CCSAP: variants seen among roughly 807,000 people sequenced by gnomAD.
CCSAP encodes centriole, cilia and spindle-associated protein.
Under a neutral mutation model 25.9 loss-of-function variants are expected in CCSAP, and 17 were observed. That is an observed-to-expected ratio of 0.66 (90% CI 0.45 to 0.99). The LOEUF is 0.99. Ranked by LOEUF, CCSAP falls within the 50% of genes least tolerant of loss-of-function variation. The probability of loss-of-function intolerance (pLI) is 0.00; values close to 1 mark genes in which losing one functional copy is unlikely to be tolerated. For missense variants in CCSAP, 339 were observed against 367.8 expected, an observed-to-expected ratio of 0.92 and a Z score of 0.64; for synonymous variants, 169 against 157.1, an observed-to-expected ratio of 1.08 and a Z score of -0.57.
chr1:229,325,220 C>T lies in CCSAP; in HGVS notation c.*15G>A, dbSNP rs189175208. Reference sequence around the variant, plus strand: ...TTTACACTTTTTAAAAGAGGCTGTCCACGCAAGTGTTTCTTTAAGCTCTTG... The same window carrying T: ...TTTACACTTTTTAAAAGAGGCTGTCTACGCAAGTGTTTCTTTAAGCTCTTG... On this transcript the variant is annotated 3_prime_UTR_variant, in exon 4 of 4. Transcript: ENST00000284617. 1.0e-4 allele frequency: 165 copies of T among 1,574,514 alleles called. No homozygotes were observed. The African/African-American group carries it at 2.1e-3, about 20-fold the overall frequency.
Position 229,326,751 on chromosome 1 carries a change from G to GCGGA in CCSAP, c.619_622dup (p.Ala208ValfsTer9). ...CCCAGAGCGCACCTCGTGCACAGGA[G>GCGGA]CGGACGCACAGACGTTGTGAGTCTT... On this transcript the variant is annotated frameshift_variant, in exon 3 of 4. Coordinates refer to ENST00000284617, the MANE Select transcript of CCSAP (RefSeq NM_145257.5). LOFTEE classifies it low-confidence loss of function (END_TRUNC). 6.2e-7 allele frequency: 1 copy of GCGGA among 1,614,226 alleles called. No individual in the cohort carries two copies. Among genetic ancestry groups the GCGGA allele is most frequent in the Non-Finnish European group, 8.5e-7 (1 of 1,180,044 alleles).
At chr1:229,327,478 C>T (rs1426631919) in intron 2 of CCSAP, 8 of 455,668 alleles carry the variant, frequency 1.8e-5, no homozygotes, top group Admixed American at 1.2e-4. Context: ...TCCTGAGAGC[C>T]GCTTCCTTCA....
chr1:229,327,393 C>A, intron 2 of CCSAP: 1 of 380,444 alleles, frequency 2.6e-6, no homozygotes, highest in South Asian at 1.9e-5. Context: ...GATTTGTGGT[C>A]ATCCTCCAGC....
At chr1:229,326,183 G>C (rs905872825) in intron 3 of CCSAP, among the ~76,000 whole-genome samples, 2 of 152,236 alleles carry the variant, frequency 1.3e-5, no homozygotes, top group East Asian at 3.8e-4. Flanking sequence ...GGCTAAGTCA[G>C]GGGAGGACTA....
rs575091215 is a variant in CCSAP, at chr1:229,323,042, C to T, written c.*2193G>A. 6.6e-6 allele frequency: 1 copy of T among 152,134 alleles called. No homozygotes were observed. The highest frequency in any genetic ancestry group is 1.5e-5 in the Non-Finnish European group (1 of 68,038). 9.4% of individuals were successfully genotyped at this position (152,134 alleles called of 1,614,324 possible). ...ACTGTTAACAACTATCAAATTTTCA[C>T]AGGTTCAAAAGGTAATTGACACTCT... is the stretch of plus-strand genomic sequence containing the variant. On this transcript the variant is annotated 3_prime_UTR_variant, in exon 4 of 4. Coordinates refer to ENST00000284617, the MANE Select transcript of CCSAP (RefSeq NM_145257.5).
At chr1:229,339,221 A>G (rs972868401) in intron 2 of CCSAP, among the ~76,000 whole-genome samples, 2 of 152,318 alleles carry the variant, frequency 1.3e-5, no homozygotes, top group East Asian at 3.9e-4. Flanking sequence ...TAGATCAAGG[A>G]AAAATGTCAG....
intron 2 of CCSAP, among the ~76,000 whole-genome samples, chr1:229,331,865 G>C (rs1658078351): frequency 6.7e-6 from 1 of 149,954 alleles, no homozygotes; most frequent in African/African-American, 2.5e-5. Context: ...GCCCAGGCTG[G>C]AGTGCAATGG....
In CCSAP at chr1:229,342,150, C is replaced by A; in HGVS notation, c.316G>T (p.Ala106Ser). Reference protein sequence around the residue: ...RARGAPEEQDAEAGDAEAEDA... With the variant: ...RARGAPEEQDSEAGDAEAEDA... ...TCGGCCTCCGCGTCCCCGGCCTCCG[C>A]GTCCTGCTCCTCCGGGGCCCCGCGC... Residue 106 changes from alanine to serine, a missense_variant, in exon 2 of 4, where the codon GCG becomes TCG. Transcript: ENST00000284617. This position sits in a 1 kb window ranked among gnomAD's most constrained non-coding sequence, Gnocchi z 7.5. 7.6e-7 allele frequency: 1 copy of A among 1,321,834 alleles called. No individual in the cohort carries two copies. Among genetic ancestry groups the A allele is most frequent in the Admixed American group, 3.2e-5 (1 of 31,260 alleles). The allele number at this position is 1,321,834 out of a possible 1,614,324, so 81.9% of individuals were successfully genotyped here.
Position 229,324,802 on chromosome 1 carries a change from A to G in CCSAP, c.*433T>C, listed in dbSNP as rs1481772776. On this transcript the variant is annotated 3_prime_UTR_variant, in exon 4 of 4. Transcript: ENST00000284617. ...ACGGCATATAAGGAAAACGAGTCTT[A>G]TGCTGTAGGATGGAATGATCTTATA... is the stretch of plus-strand genomic sequence containing the variant. The G allele has an allele frequency of 6.5e-6, 1 of 153,762 alleles. No homozygotes were observed. The highest frequency in any genetic ancestry group is 1.5e-5 in the Non-Finnish European group (1 of 68,954). The allele number at this position is 153,762 out of a possible 1,614,324, so 9.5% of individuals were successfully genotyped here. A position where few individuals can be genotyped will look rare whatever the true frequency, so the allele number is the denominator to read the frequency against.
chr1:229,325,547 C>T (rs1657920875), intron 3 of CCSAP, 136 bp from the exon 4 acceptor site: 1 of 668,566 alleles, frequency 1.5e-6, no homozygotes. Context: ...CTATATAGTT[C>T]TTCTTTACAT....
At chr1:229,330,585 A>G (rs1039551610) in intron 2 of CCSAP, among the ~76,000 whole-genome samples, 40 of 152,194 alleles carry the variant, frequency 2.6e-4, no homozygotes, top group Non-Finnish European at 3.7e-4. Flanking sequence ...GCTCACGCCT[A>G]TAATCCCAGC....
chr1:229,340,497 T>C, intron 2 of CCSAP: 1 of 709,820 alleles, frequency 1.4e-6, no homozygotes, highest in Non-Finnish European at 2.6e-6. Flanking sequence ...TCACAAACAA[T>C]AAAAGATCGG....
chr1:229,334,908 T>C (rs1658162642), intron 2 of CCSAP, among the ~76,000 whole-genome samples: 1 of 151,932 alleles, frequency 6.6e-6, no homozygotes, highest in Admixed American at 6.6e-5. Context: ...TCAATAAAAT[T>C]TGGAGGAAAA....
intron 2 of CCSAP, among the ~76,000 whole-genome samples, chr1:229,338,179 A>T (rs1037329475): frequency 6.6e-6 from 1 of 152,144 alleles, no homozygotes; most frequent in Admixed American, 6.5e-5. Flanking sequence ...CAGAGCTAAG[A>T]TCCTGAGCTA....
At chr1:229,339,697 G>T (rs999008703) in intron 2 of CCSAP, among the ~76,000 whole-genome samples, 5 of 152,214 alleles carry the variant, frequency 3.3e-5, no homozygotes, top group African/African-American at 1.2e-4. Context: ...GGGGCCCTGG[G>T]AGAGGCATCT....
In CCSAP at chr1:229,342,512, G is replaced by A; in HGVS notation, c.-47C>T. 4.0e-6 allele frequency: 5 copies of A among 1,264,382 alleles called. No individual in the cohort carries two copies. Among genetic ancestry groups the A allele is most frequent in the Non-Finnish European group, 5.1e-6 (5 of 987,902 alleles). The allele number at this position is 1,264,382 out of a possible 1,614,324, so 78.3% of individuals were successfully genotyped here. On this transcript the variant is annotated splice_region_variant and 5_prime_UTR_variant, in exon 2 of 4. Transcript: ENST00000284617. The surrounding 1 kb of genome is among the most constrained non-coding windows in gnomAD (Gnocchi z 7.5). ...CGCCAGCCGCTCCTCGCTGCCCGCA[G>A]CCTACGGGACCCGGTACACGACACA...
At chr1:229,330,413 AG>A (rs1196951464) in intron 2 of CCSAP, among the ~76,000 whole-genome samples, 4 of 152,198 alleles carry the variant, frequency 2.6e-5, no homozygotes, top group African/African-American at 9.7e-5. Context: ...GGAAGACAGG[AG>A]GTGCAAACAG....
chr1:229,325,264 A>G lies in CCSAP; in HGVS notation c.784T>C (p.Tyr262His). Residue 262 changes from tyrosine to histidine, a missense_variant, in exon 4 of 4, where the codon TAC (tyrosine) becomes CAC (histidine). Transcript: ENST00000284617. ...GCTCTTGCCGAATAGCACCTCATGT[A>G]TTCTGTCATCCACGGGTTCTCTGAG... ...SSSENPWMTE[Y>H]MRCYSARA 1.9e-6 allele frequency: 3 copies of G among 1,613,578 alleles called. No individual in the cohort carries two copies. The highest frequency in any genetic ancestry group is 2.5e-6 in the Non-Finnish European group (3 of 1,179,872).
At chr1:229,331,924 C>T (rs1034201924) in intron 2 of CCSAP, among the ~76,000 whole-genome samples, 1 of 151,792 alleles carries the variant, frequency 6.6e-6, no homozygotes, top group African/African-American at 2.4e-5. Context: ...GCTGGGATTA[C>T]AGGTGTGTGC....
Sources: allele counts gnomAD v4.1 joint callset (sites outside exome capture counted in the v4.1 genomes callset), GRCh38; gene constraint gnomAD v4.1.1; non-coding constraint Gnocchi (gnomAD v3.1); transcripts MANE v1.5; gene names NCBI Gene and HGNC (gene_info 2026-07-23, HGNC 2026-07-21).